The following ENOX1 variants were observed in gnomAD, a reference collection of about 807,000 sequenced individuals.
ENOX1 encodes the protein ecto-NOX disulfide-thiol exchanger 1.
ENOX1 carries 42 observed loss-of-function variants against 82.5 expected under a neutral mutation model. The ratio of observed to expected loss-of-function variants is 0.51; its 90% CI spans 0.40 to 0.66. The LOEUF (loss-of-function observed/expected upper bound fraction) is 0.66, where lower values mean the gene tolerates loss of function less well. Ranked by LOEUF, ENOX1 falls within the 30% of genes least tolerant of loss-of-function variation. ENOX1 has a pLI of 0.00. For synonymous variants in ENOX1, 271 were observed against 282.2 expected (o/e 0.96, Z 0.40); for missense variants, 608 against 811.6 (o/e 0.75, Z 3.05).
At chr13:43,643,336 T>G (rs2083741797) in intron 2 of ENOX1, among the ~76,000 whole-genome samples, 1 of 152,210 alleles carries the variant, frequency 6.6e-6, no homozygotes, top group South Asian at 2.1e-4. Flanking sequence ...CACAGCACCC[T>G]GGCCATTCAT....
At chr13:43,695,176 G>C (rs530397390) in intron 1 of ENOX1, among the ~76,000 whole-genome samples, 2 of 151,942 alleles carry the variant, frequency 1.3e-5, no homozygotes, top group African/African-American at 4.8e-5. Flanking sequence ...TGTTCACAAA[G>C]ACACACCTGA....
Position 43,279,945 on chromosome 13 carries a change from T to C in ENOX1, c.1447-10368A>G, listed in dbSNP as rs2153489845. 2.0e-5 allele frequency among the ~76,000 whole-genome samples: 3 copies of C among 152,382 alleles called. No homozygotes were observed. The Middle Eastern group carries it at 0.01, about 518-fold the overall frequency. ...TCACAAGAGAAGGTGTCAAATACCTTGCTGAAGTAGGAACATGTATCAGTG... is the reference window on the plus strand; with the variant it reads ...TCACAAGAGAAGGTGTCAAATACCTCGCTGAAGTAGGAACATGTATCAGTG... On this transcript the variant is annotated intron_variant, in intron 12 of 16. Transcript: ENST00000690772.
At chr13:43,507,522 T>C (rs879484441) in intron 2 of ENOX1, among the ~76,000 whole-genome samples, 11 of 152,056 alleles carry the variant, frequency 7.2e-5, no homozygotes, top group Admixed American at 7.2e-4. Context: ...GGGAAAATTG[T>C]TTTTAACTTA....
intron 2 of ENOX1, among the ~76,000 whole-genome samples, chr13:43,519,293 C>T (rs1226606148): frequency 6.6e-6 from 1 of 152,154 alleles, no homozygotes; most frequent in Non-Finnish European, 1.5e-5. Context: ...CTCCCAATCT[C>T]ACCATCAACC....
intron 1 of ENOX1, among the ~76,000 whole-genome samples, chr13:43,677,403 C>T (rs536952065): frequency 1.1e-4 from 16 of 152,284 alleles, no homozygotes; most frequent in Admixed American, 4.6e-4. Flanking sequence ...CACTATGAGA[C>T]ATCGTACAGG....
intron 1 of ENOX1, among the ~76,000 whole-genome samples, chr13:43,731,092 C>T (rs1197557684): frequency 1.3e-5 from 2 of 152,124 alleles, no homozygotes; most frequent in African/African-American, 2.4e-5. Flanking sequence ...ATGAATAAAA[C>T]GAGAAACCAG....
chr13:43,329,065 G>A (rs1326816191), intron 9 of ENOX1, among the ~76,000 whole-genome samples: 3 of 152,146 alleles, frequency 2.0e-5, no homozygotes, highest in African/African-American at 7.2e-5. Flanking sequence ...CCACAAATAG[G>A]GCAACATTTC....
chr13:43,608,688 G>A (rs2082072546), intron 2 of ENOX1, among the ~76,000 whole-genome samples: 1 of 152,148 alleles, frequency 6.6e-6, no homozygotes. Context: ...TAAATACCCT[G>A]ATGTCATGAT....
intron 1 of ENOX1, among the ~76,000 whole-genome samples, chr13:43,714,100 T>C (rs922757106): frequency 7.3e-5 from 11 of 150,088 alleles, no homozygotes; most frequent in African/African-American, 2.7e-4. Context: ...TCCCAGAGAT[T>C]CTGGTATGTT....
chr13:43,696,560 G>T (rs1356507387), intron 1 of ENOX1, among the ~76,000 whole-genome samples: 1 of 152,118 alleles, frequency 6.6e-6, no homozygotes, highest in African/African-American at 2.4e-5. Context: ...CTGAGCTTGG[G>T]AGCCACAGAA....
chr13:43,712,743 T>C (rs983155051), intron 1 of ENOX1, among the ~76,000 whole-genome samples: 2 of 152,238 alleles, frequency 1.3e-5, no homozygotes, highest in African/African-American at 4.8e-5. Context: ...AGAATGCTTA[T>C]GATTTTTGTA....
At chr13:43,673,798 G>A (rs1289323760) in intron 1 of ENOX1, among the ~76,000 whole-genome samples, 1 of 152,128 alleles carries the variant, frequency 6.6e-6, no homozygotes, top group African/African-American at 2.4e-5. Flanking sequence ...TATCTGACTT[G>A]TCTCCTAATT....
At chr13:43,261,660 TA>T (rs2044067510) in intron 14 of ENOX1, among the ~76,000 whole-genome samples, 2 of 151,030 alleles carry the variant, frequency 1.3e-5, no homozygotes, top group South Asian at 2.1e-4. Context: ...TATGCAGCCA[TA>T]AAAAATGATG....
chr13:43,556,544 T>C (rs1023832732), intron 2 of ENOX1, among the ~76,000 whole-genome samples: 2 of 152,180 alleles, frequency 1.3e-5, no homozygotes, highest in African/African-American at 2.4e-5. Flanking sequence ...AGGAAATTTA[T>C]TTAGATAGGT....
At chr13:43,637,296 T>A (rs956704759) in intron 2 of ENOX1, among the ~76,000 whole-genome samples, 1 of 152,202 alleles carries the variant, frequency 6.6e-6, no homozygotes, top group Non-Finnish European at 1.5e-5. Flanking sequence ...GAAGCTTTTG[T>A]TTTTATTAAT....
At chr13:43,347,705 T>C (rs1439404822) in intron 8 of ENOX1, among the ~76,000 whole-genome samples, 2 of 152,224 alleles carry the variant, frequency 1.3e-5, no homozygotes, top group African/African-American at 4.8e-5. Flanking sequence ...ATTGCAGCAT[T>C]ATTAAAGCTA....
At chr13:43,459,659 C>T (rs2153636706) in intron 3 of ENOX1, among the ~76,000 whole-genome samples, 1 of 152,266 alleles carries the variant, frequency 6.6e-6, no homozygotes, top group South Asian at 2.1e-4. Flanking sequence ...CAGTAATTTT[C>T]TATGTAGCTG....
At chr13:43,701,821 T>G (rs564479105) in intron 1 of ENOX1, among the ~76,000 whole-genome samples, 1 of 152,210 alleles carries the variant, frequency 6.6e-6, no homozygotes, top group African/African-American at 2.4e-5. Context: ...TTATACAGAC[T>G]ACAGACCTTA....
intron 1 of ENOX1, among the ~76,000 whole-genome samples, chr13:43,707,275 A>G (rs949423936): frequency 2.6e-5 from 4 of 152,230 alleles, no homozygotes; most frequent in African/African-American, 9.6e-5. Flanking sequence ...GTAAATGAAT[A>G]GATGTTTCAT....
Sources: allele counts gnomAD v4.1 joint callset (sites outside exome capture counted in the v4.1 genomes callset), GRCh38; gene constraint gnomAD v4.1.1; transcripts MANE v1.5; gene names NCBI Gene and HGNC (gene_info 2026-07-23, HGNC 2026-07-21).